COLEC12: variants seen among roughly 807,000 people sequenced by gnomAD.
COLEC12 encodes the protein collectin-12.
In COLEC12, 33 loss-of-function variants were observed where a neutral mutation model predicts 71.1. The ratio of observed to expected loss-of-function variants is 0.46; its 90% confidence interval spans 0.35 to 0.62. The LOEUF is 0.62. Among genes scored for constraint, COLEC12 ranks in the 20% least tolerant of loss-of-function variants. The pLI, the probability that COLEC12 is intolerant of heterozygous loss-of-function variation, is 0.00. For missense variants in COLEC12, 765 were observed against 916.1 expected (o/e 0.84, Z 2.13); for synonymous variants, 350 against 353.0 (o/e 0.99, Z 0.10).
chr18:407,702 C>T (rs774544761), intron 2 of COLEC12, among the ~76,000 whole-genome samples: 1 of 152,208 alleles, frequency 6.6e-6, no homozygotes, highest in East Asian at 1.9e-4. Flanking sequence ...AACATCCTCA[C>T]AGACACACAA....
At chr18:350,080 GC>G (rs1417570960) in intron 3 of COLEC12, among the ~76,000 whole-genome samples, 2 of 152,128 alleles carry the variant, frequency 1.3e-5, no homozygotes, top group Non-Finnish European at 2.9e-5. Context: ...ATGAGATTTG[GC>G]AGGGGCCAGG....
chr18:423,127 G>A (rs1408090024), intron 2 of COLEC12, among the ~76,000 whole-genome samples: 1 of 151,988 alleles, frequency 6.6e-6, no homozygotes. Context: ...AAAATTAGCT[G>A]GGTGTGATGT....
intron 2 of COLEC12, among the ~76,000 whole-genome samples, chr18:422,955 T>C (rs1916126694): frequency 6.6e-6 from 1 of 152,244 alleles, no homozygotes; most frequent in East Asian, 1.9e-4. Flanking sequence ...GTAAATACGT[T>C]TCCCACTCAT....
In COLEC12 at chr18:319,341, A is replaced by AATATATATATAT. The variant is rs1555611774; in HGVS notation, c.*692_*703dup. ...AACATTAAAAAAAAAAAAAAAAAAAAATATATATATATATATATATATACA... is the reference window on the plus strand; with the variant it reads ...AACATTAAAAAAAAAAAAAAAAAAAAATATATATATATATATATATATATATATATATATACA... On this transcript the variant is annotated 3_prime_UTR_variant, in exon 10 of 10. Coordinates refer to ENST00000400256, the MANE Select transcript of COLEC12 (RefSeq NM_130386.3). 8.9e-5 allele frequency: 6 copies of AATATATATATAT among 67,172 alleles called. No homozygotes were observed. Among genetic ancestry groups the AATATATATATAT allele is most frequent in the East Asian group, 4.1e-4 (1 of 2,442 alleles). 4.2% of individuals were successfully genotyped at this position (67,172 alleles called of 1,614,324 possible). A position where few individuals can be genotyped will look rare whatever the true frequency, so the allele number is the denominator to read the frequency against.
chr18:369,387 T>C (rs1455030621), intron 2 of COLEC12, among the ~76,000 whole-genome samples: 2 of 145,906 alleles, frequency 1.4e-5, no homozygotes, highest in African/African-American at 5.1e-5. Flanking sequence ...ATACAGATCT[T>C]TTTTTTTTTA....
chr18:451,564 G>A (rs1487009856), intron 2 of COLEC12, among the ~76,000 whole-genome samples: 3 of 152,126 alleles, frequency 2.0e-5, no homozygotes, highest in Non-Finnish European at 4.4e-5. Context: ...TGGATGATAT[G>A]ATAAAACCCC....
At position 408,611 on chromosome 18, in the gene COLEC12, G is replaced by GA. The variant is rs34131281; in HGVS notation, c.59-51090dup. On this transcript the variant is annotated intron_variant, in intron 2 of 9. Coordinates refer to ENST00000400256, the MANE Select transcript of COLEC12 (RefSeq NM_130386.3). This position sits in a 1 kb window ranked among gnomAD's most constrained non-coding sequence, Gnocchi z 4.3. The stretch of plus-strand genomic sequence containing the variant: ...AGTATTACCAAATATTGAGAAAAAG[G>GA]AAAAAAAAAAAAGACAGGAAAATAA... 0.019 allele frequency among the ~76,000 whole-genome samples: 2,744 copies of GA among 144,256 alleles called. 42 individuals carry two copies. Among genetic ancestry groups the GA allele is most frequent in the Non-Finnish European group, 0.025 (1,672 of 65,882 alleles). 94.6% of individuals were successfully genotyped at this position (144,256 alleles called of 152,430 possible). A position where few individuals can be genotyped will look rare whatever the true frequency, so the allele number is the denominator to read the frequency against.
intron 2 of COLEC12, among the ~76,000 whole-genome samples, chr18:461,504 A>G (rs1384479579): frequency 6.6e-6 from 1 of 152,216 alleles, no homozygotes; most frequent in Non-Finnish European, 1.5e-5. Context: ...CTCCTGCCTC[A>G]GCCTCCTGAG....
At chr18:333,302 CA>C in intron 6 of COLEC12, 159 bp from the exon 7 acceptor site, 1 of 588,244 alleles carries the variant, frequency 1.7e-6, no homozygotes, top group Non-Finnish European at 3.0e-6. Context: ...GTGCTCGCAG[CA>C]AGCATGACCC....
intron 2 of COLEC12, among the ~76,000 whole-genome samples, chr18:451,822 G>A (rs1916767924): frequency 6.6e-6 from 1 of 152,132 alleles, no homozygotes; most frequent in African/African-American, 2.4e-5. Flanking sequence ...TGGAAAATTT[G>A]CAGCCTGGCC....
chr18:499,194 G>T (rs901111077), intron 1 of COLEC12, among the ~76,000 whole-genome samples: 5 of 152,232 alleles, frequency 3.3e-5, no homozygotes, highest in Non-Finnish European at 7.3e-5. Flanking sequence ...CTGAGATGGA[G>T]ACAGAAGGAA....
At chr18:324,252 A>C (rs980477943) in intron 8 of COLEC12, among the ~76,000 whole-genome samples, 3 of 152,184 alleles carry the variant, frequency 2.0e-5, no homozygotes, top group Non-Finnish European at 4.4e-5. Flanking sequence ...CAAATAAGCA[A>C]AATGTATATA....
At chr18:475,701 G>A (rs764135667) in intron 2 of COLEC12, among the ~76,000 whole-genome samples, 2 of 152,116 alleles carry the variant, frequency 1.3e-5, no homozygotes, top group East Asian at 3.9e-4. Flanking sequence ...AAGCATATCC[G>A]TGCTGTGATT....
Position 357,497 on chromosome 18 carries a change from G to C in COLEC12, c.84C>G (p.Thr28=). 6.3e-7 allele frequency: 1 copy of C among 1,587,018 alleles called. No individual in the cohort carries two copies. Among genetic ancestry groups the C allele is most frequent in the South Asian group, 1.2e-5 (1 of 85,590 alleles). The change falls in exon 3 of 10, where the codon ACC becomes ACG. Residue 28 remains threonine (T), a synonymous_variant. Coordinates refer to ENST00000400256, the MANE Select transcript of COLEC12 (RefSeq NM_130386.3). The part of the protein sequence containing the change: ...RFGIQEGTQC[T]KCKNNWALKF... Reference sequence around the variant, plus strand: ...TCAGTGCCCAGTTATTTTTACATTTGGTACATTGTGTTCCTTCCTGAATAC... The same window carrying C: ...TCAGTGCCCAGTTATTTTTACATTTCGTACATTGTGTTCCTTCCTGAATAC...
chr18:402,589 G>T (rs541573104), intron 2 of COLEC12, among the ~76,000 whole-genome samples: 1 of 152,084 alleles, frequency 6.6e-6, no homozygotes, highest in South Asian at 2.1e-4. Flanking sequence ...GCTGCACCTG[G>T]GAAATCTAGC....
intron 2 of COLEC12, among the ~76,000 whole-genome samples, chr18:454,515 C>G (rs1916826382): frequency 6.6e-6 from 1 of 152,194 alleles, no homozygotes; most frequent in Non-Finnish European, 1.5e-5. Context: ...AACTCCATCT[C>G]TACTAAAAAT....
At chr18:406,281 G>A (rs564859234) in intron 2 of COLEC12, among the ~76,000 whole-genome samples, 7 of 152,148 alleles carry the variant, frequency 4.6e-5, no homozygotes, top group East Asian at 3.9e-4. Context: ...AGGCCGAGGC[G>A]GGTGGATCAT....
chr18:368,824 T>C lies in COLEC12; in HGVS notation c.59-11302A>G, dbSNP rs540042050. Among the ~76,000 whole-genome samples the C allele has an allele frequency of 9.2e-4, 140 of 152,056 alleles. 1 individual carries two copies. The highest frequency in any genetic ancestry group is 1.1e-3 in the Non-Finnish European group (73 of 67,948). On this transcript the variant is annotated intron_variant, in intron 2 of 9. Transcript: ENST00000400256. ...GAGCTTGCAGTGAGCCGAGATCACG[T>C]CACTGCACTCCAGCCTGGGCAACAG...
intron 2 of COLEC12, among the ~76,000 whole-genome samples, chr18:429,388 C>CT (rs72117289): frequency 3.6e-4 from 52 of 146,294 alleles, no homozygotes; most frequent in African/African-American, 7.8e-4. Context: ...TTTTTTCTTT[C>CT]TTTTTTTTTT....
Sources: allele counts gnomAD v4.1 joint callset (sites outside exome capture counted in the v4.1 genomes callset), GRCh38; gene constraint gnomAD v4.1.1; non-coding constraint Gnocchi (gnomAD v3.1); transcripts MANE v1.5; gene names NCBI Gene and HGNC (gene_info 2026-07-23, HGNC 2026-07-21).